TUSC3: variants seen among roughly 807,000 people sequenced by gnomAD.
The protein encoded by TUSC3 is tumor suppressor candidate 3.
Under a neutral mutation model 44.8 loss-of-function variants are expected in TUSC3, and 45 were observed. The ratio of observed to expected loss-of-function variants is 1.00; its 90% CI spans 0.79 to 1.29. The LOEUF (loss-of-function observed/expected upper bound fraction) is 1.29, where lower values mean the gene tolerates loss of function less well. Among genes scored for constraint, TUSC3 ranks in the 50% most tolerant of loss-of-function variants. The probability of loss-of-function intolerance (pLI) is 0.00; values close to 1 mark genes in which losing one functional copy is unlikely to be tolerated. For synonymous variants in TUSC3, 212 were observed against 152.9 expected (o/e 1.39, Z -2.85); for missense variants, 519 against 437.9 (o/e 1.19, Z -1.65).
At chr8:15,562,121 G>C (rs1182033493) in intron 1 of TUSC3, among the ~76,000 whole-genome samples, 1 of 152,164 alleles carries the variant, frequency 6.6e-6, no homozygotes, top group African/African-American at 2.4e-5. Flanking sequence ...TCTAGCTTCA[G>C]AGATCTTGGA....
chr8:15,475,789 G>C (rs1489278084), intron 1 of TUSC3, among the ~76,000 whole-genome samples: 1 of 152,112 alleles, frequency 6.6e-6, no homozygotes, highest in South Asian at 2.1e-4. Flanking sequence ...TTTTATAAAA[G>C]TACTTGGCAT....
the TUSC3 span, among the ~76,000 whole-genome samples, chr8:15,805,740 C>G: frequency 3.9e-5 from 6 of 152,024 alleles, no homozygotes; most frequent in Admixed American, 6.6e-5. Context: ...ATTTTTACAT[C>G]TATTTTCATC....
At chr8:15,576,872 C>T (rs1302525198) in intron 1 of TUSC3, among the ~76,000 whole-genome samples, 4 of 129,876 alleles carry the variant, frequency 3.1e-5, no homozygotes, top group African/African-American at 1.2e-4. Flanking sequence ...TTCTAGATCC[C>T]TGAGGAATCG....
intron 1 of TUSC3, chr8:15,561,725 C>T (rs113314109): frequency 0.037 from 5,553 of 148,114 alleles, 159 homozygotes; most frequent in African/African-American, 0.062. Flanking sequence ...TTTTTAAGCC[C>T]GTCGGAAAAG....
intron 6 of TUSC3, among the ~76,000 whole-genome samples, chr8:15,715,385 C>G (rs1267803651): frequency 6.6e-6 from 1 of 152,146 alleles, no homozygotes; most frequent in African/African-American, 2.4e-5. Context: ...TTGTACTATA[C>G]CCACTCTTCT....
At chr8:15,701,241 A>T (rs1809392029) in intron 6 of TUSC3, among the ~76,000 whole-genome samples, 1 of 152,108 alleles carries the variant, frequency 6.6e-6, no homozygotes, top group African/African-American at 2.4e-5. Flanking sequence ...AAATTTCCTC[A>T]GGGCCTCTTG....
At chr8:15,674,520 A>G (rs1808094982) in intron 6 of TUSC3, among the ~76,000 whole-genome samples, 1 of 151,922 alleles carries the variant, frequency 6.6e-6, no homozygotes, top group African/African-American at 2.4e-5. Context: ...ACGTATTTTG[A>G]GAATAATATA....
chr8:15,645,190 C>T (rs1378141731), intron 2 of TUSC3, among the ~76,000 whole-genome samples: 1 of 152,060 alleles, frequency 6.6e-6, no homozygotes, highest in Non-Finnish European at 1.5e-5. Context: ...GCATAATCTA[C>T]TTACTTCAGA....
intron 1 of TUSC3, among the ~76,000 whole-genome samples, chr8:15,548,393 A>G (rs190105967): frequency 6.6e-6 from 1 of 151,874 alleles, no homozygotes; most frequent in Non-Finnish European, 1.5e-5. Flanking sequence ...AGTATATGAT[A>G]CAGTTGTACA....
At chr8:15,610,270 C>T (rs1804703607) in intron 1 of TUSC3, among the ~76,000 whole-genome samples, 1 of 152,044 alleles carries the variant, frequency 6.6e-6, no homozygotes, top group African/African-American at 2.4e-5. Context: ...GTATCAAATG[C>T]AAAATATTTC....
upstream of TUSC3, among the ~76,000 whole-genome samples, chr8:15,538,859 A>G (rs1026977040): frequency 6.6e-5 from 10 of 151,616 alleles, no homozygotes; most frequent in African/African-American, 2.4e-4. Flanking sequence ...TATTCTGTAT[A>G]TATTTTTGGA....
At position 15,475,380 on chromosome 8, in the gene TUSC3, G is replaced by A. The variant is rs534025642; in HGVS notation, n.92-8006G>A. ...CCTTTGTGTGATGCTTATACAGTTA[G>A]GGCAGTATTAGAGATCTTTTTAAGT... On this transcript the variant is annotated intron_variant and non_coding_transcript_variant, in intron 1 of 5. Coordinates refer to the TUSC3 transcript ENST00000503191. Among the ~76,000 whole-genome samples the A allele has an allele frequency of 2.0e-5, 3 of 152,182 alleles. No individual in the cohort carries two copies. The East Asian group carries it at 5.8e-4, about 29-fold the overall frequency.
At chr8:15,678,255 G>T (rs1182270704) in intron 6 of TUSC3, among the ~76,000 whole-genome samples, 1 of 152,166 alleles carries the variant, frequency 6.6e-6, no homozygotes, top group Non-Finnish European at 1.5e-5. Context: ...GACTTTGTCT[G>T]TCAAAGAAAG....
At chr8:15,636,600 T>C (rs1423080953) in intron 2 of TUSC3, among the ~76,000 whole-genome samples, 1 of 152,178 alleles carries the variant, frequency 6.6e-6, no homozygotes, top group Admixed American at 6.5e-5. Flanking sequence ...TTCTCAGTCA[T>C]GGAGACTGTA....
chr8:15,792,086 G>A, the TUSC3 span, among the ~76,000 whole-genome samples: 1 of 150,966 alleles, frequency 6.6e-6, no homozygotes, highest in South Asian at 2.1e-4. Context: ...TTTGTATTTG[G>A]AAAACAAATG....
At chr8:15,782,621 C>T in the TUSC3 span, among the ~76,000 whole-genome samples, 2 of 152,084 alleles carry the variant, frequency 1.3e-5, no homozygotes, top group African/African-American at 4.8e-5. Flanking sequence ...ATTAACAGAA[C>T]AAAGGAAAAC....
the TUSC3 span, among the ~76,000 whole-genome samples, chr8:15,843,660 T>A: frequency 6.7e-6 from 1 of 149,184 alleles, no homozygotes; most frequent in Non-Finnish European, 1.5e-5. Context: ...ATCTACATGA[T>A]GTTTATAATT....
chr8:15,621,219 G>T (rs1042771404), intron 1 of TUSC3, among the ~76,000 whole-genome samples: 2 of 151,578 alleles, frequency 1.3e-5, no homozygotes, highest in Non-Finnish European at 2.9e-5. Flanking sequence ...AGGCTCAAAA[G>T]AATTTATATA....
the TUSC3 span, among the ~76,000 whole-genome samples, chr8:15,821,837 T>G: frequency 2.0e-5 from 3 of 152,180 alleles, no homozygotes; most frequent in African/African-American, 2.4e-5. Context: ...GATTGGATTT[T>G]GTGGACTAAC....
Sources: allele counts gnomAD v4.1 joint callset (sites outside exome capture counted in the v4.1 genomes callset), GRCh38; gene constraint gnomAD v4.1.1; transcripts MANE v1.5; gene names NCBI Gene and HGNC (gene_info 2026-07-23, HGNC 2026-07-21).